The following ANO6 variants were observed in gnomAD, a reference collection of about 807,000 sequenced individuals.
ANO6 encodes the protein anoctamin 6.
In ANO6, 106 loss-of-function variants were observed where a neutral mutation model predicts 117.5. That is an observed-to-expected ratio of 0.90 (90% CI 0.77 to 1.06). ANO6 has a LOEUF of 1.06. Ranked by LOEUF, ANO6 falls within the 50% of genes least tolerant of loss-of-function variation. The pLI is 0.00. For missense variants in ANO6, 955 were observed against 1,121.1 expected (o/e 0.85, Z 2.12); for synonymous variants, 367 against 385.1 (o/e 0.95, Z 0.55).
chr12:45,437,692 C>T (rs1943723588), intron 19 of ANO6, among the ~76,000 whole-genome samples: 1 of 152,048 alleles, frequency 6.6e-6, no homozygotes, highest in Admixed American at 6.5e-5. Context: ...GCCTCAGCCT[C>T]CCTAGTAGCT....
Position 45,416,658 on chromosome 12 carries a change from A to G in ANO6, c.2012-41A>G, listed in dbSNP as rs940899200. On this transcript the variant is annotated intron_variant, in intron 16 of 19. Transcript: ENST00000320560. Reference sequence around the variant, plus strand: ...GTAAAGGAAAATATGTTGTCCTTCCATCCACCACCACTCCATGATGTGTGT... The same window carrying G: ...GTAAAGGAAAATATGTTGTCCTTCCGTCCACCACCACTCCATGATGTGTGT... 7 of 1,598,950 alleles carry G rather than the reference A, an allele frequency of 4.4e-6. No homozygotes were observed. In the East Asian group the frequency reaches 1.6e-4, roughly 36 times the overall value.
chr12:45,317,308 TC>T (rs1412236448), intron 2 of ANO6, among the ~76,000 whole-genome samples: 1 of 110,138 alleles, frequency 9.1e-6, no homozygotes, highest in Non-Finnish European at 1.9e-5. Context: ...TGTGTGATGT[TC>T]CCCTTCCTGT....
chr12:45,427,415 G>A (rs1476640867), intron 19 of ANO6, among the ~76,000 whole-genome samples: 1 of 152,078 alleles, frequency 6.6e-6, no homozygotes, highest in African/African-American at 2.4e-5. Context: ...CTCCAAACCA[G>A]CTCTGCATTG....
intron 2 of ANO6, among the ~76,000 whole-genome samples, chr12:45,308,020 C>G (rs938485092): frequency 7.4e-5 from 10 of 134,706 alleles, no homozygotes; most frequent in Non-Finnish European, 1.4e-4. Flanking sequence ...GTAACACTTC[C>G]GTGTGTGTGT....
At chr12:45,433,582 A>G (rs1943673095), downstream of ANO6, among the ~76,000 whole-genome samples, 1 of 152,220 alleles carries the variant, frequency 6.6e-6, no homozygotes, top group African/African-American at 2.4e-5. Flanking sequence ...GAACCTGTGG[A>G]GAACTTCAGA....
chr12:45,407,480 T>TGGGGGGGGGGGGGGGG, intron 15 of ANO6, among the ~76,000 whole-genome samples: 1 of 9,714 alleles, frequency 1.0e-4, no homozygotes, highest in African/African-American at 5.3e-4. Context: ...GCTACCTGAG[T>TGGGGGGGGGGGGGGGG]CACCCCCCCC....
chr12:45,358,972 T>C (rs1388874741), intron 8 of ANO6, among the ~76,000 whole-genome samples: 1 of 152,066 alleles, frequency 6.6e-6, no homozygotes, highest in African/African-American at 2.4e-5. Flanking sequence ...TTAGTAGAGA[T>C]GGGGTTTCAC....
At chr12:45,332,450 G>A (rs1940699098) in intron 3 of ANO6, among the ~76,000 whole-genome samples, 1 of 151,914 alleles carries the variant, frequency 6.6e-6, no homozygotes. Flanking sequence ...GAAGTAATCA[G>A]TACTGTTTTA....
At chr12:45,314,557 CATATACAT>C (rs923871717) in intron 2 of ANO6, among the ~76,000 whole-genome samples, 14 of 150,294 alleles carry the variant, frequency 9.3e-5, no homozygotes, top group African/African-American at 3.4e-4. Flanking sequence ...TATATGTGTA[CATATACAT>C]ATATGTGTAT....
chr12:45,414,821 T>C (rs955907822), intron 16 of ANO6, among the ~76,000 whole-genome samples: 3 of 152,218 alleles, frequency 2.0e-5, no homozygotes, highest in African/African-American at 7.2e-5. Flanking sequence ...TGGAGTGCAG[T>C]GGCACAATCC....
intron 1 of ANO6, among the ~76,000 whole-genome samples, chr12:45,243,757 C>A (rs1416144366): frequency 6.6e-6 from 1 of 152,072 alleles, no homozygotes. Flanking sequence ...GCCATGTTGG[C>A]CCAGCTGGTT....
chr12:45,414,570 T>G lies in ANO6; in HGVS notation c.2012-2129T>G, dbSNP rs116737526. ...CATCTCCTCTTAAAATTCACCCTGG[T>G]TAATTCATACTATCTATTCATATAC... On this transcript the variant is annotated intron_variant, in intron 16 of 19. Transcript: ENST00000320560. Among the ~76,000 whole-genome samples, 946 of 152,252 alleles carry G rather than the reference T, an allele frequency of 6.2e-3. 15 individuals carry two copies. Among genetic ancestry groups the G allele is most frequent in the African/African-American group, 0.022 (899 of 41,528 alleles).
intron 3 of ANO6, chr12:45,335,775 A>T (rs1252108211): frequency 1.3e-5 from 2 of 151,940 alleles, no homozygotes; most frequent in Non-Finnish European, 2.9e-5. Flanking sequence ...ATTACTGAAA[A>T]TTTTTGTTGC....
chr12:45,225,993 CATT>C (rs1189830310), intron 1 of ANO6, among the ~76,000 whole-genome samples: 2 of 152,212 alleles, frequency 1.3e-5, no homozygotes, highest in Non-Finnish European at 2.9e-5. Flanking sequence ...TGTCTTATGA[CATT>C]ATTTTTTTTT....
chr12:45,379,898 C>T (rs1942126179), intron 10 of ANO6, among the ~76,000 whole-genome samples: 1 of 152,162 alleles, frequency 6.6e-6, no homozygotes, highest in Admixed American at 6.5e-5. Context: ...GTATGATAAA[C>T]TTTAAGTGCT....
At chr12:45,280,791 C>T (rs1938700529) in intron 1 of ANO6, among the ~76,000 whole-genome samples, 1 of 152,044 alleles carries the variant, frequency 6.6e-6, no homozygotes, top group South Asian at 2.1e-4. Context: ...GGGGCTACTG[C>T]CTCAACTTCT....
chr12:45,314,103 T>C (rs557929188), intron 2 of ANO6, among the ~76,000 whole-genome samples: 1 of 152,108 alleles, frequency 6.6e-6, no homozygotes, highest in South Asian at 2.1e-4. Context: ...TACTGTTTAA[T>C]GAGTTCTGTT....
At chr12:45,226,824 CAAT>C (rs1947489118) in intron 1 of ANO6, among the ~76,000 whole-genome samples, 2 of 151,714 alleles carry the variant, frequency 1.3e-5, no homozygotes, top group Non-Finnish European at 2.9e-5. Context: ...ATATGAAACT[CAAT>C]AAGATCCTTA....
chr12:45,279,259 C>T (rs979966285), intron 1 of ANO6, among the ~76,000 whole-genome samples: 3 of 152,202 alleles, frequency 2.0e-5, no homozygotes, highest in Admixed American at 2.0e-4. Flanking sequence ...GCCTGTGCTG[C>T]CAGCCTCTTG....
Sources: allele counts gnomAD v4.1 joint callset (sites outside exome capture counted in the v4.1 genomes callset), GRCh38; gene constraint gnomAD v4.1.1; transcripts MANE v1.5; gene names NCBI Gene and HGNC (gene_info 2026-07-23, HGNC 2026-07-21).